USP31: variants seen among roughly 807,000 people sequenced by gnomAD.
USP31 encodes the protein ubiquitin specific peptidase 31, also known as ubiquitin carboxyl-terminal hydrolase 31.
USP31 carries 44 observed loss-of-function variants against 119.4 expected under a neutral mutation model. The ratio of observed to expected loss-of-function variants is 0.37; its 90% confidence interval spans 0.29 to 0.47. USP31 has a LOEUF of 0.47. USP31 is among the 20% of genes least tolerant of loss of function. The pLI, the probability that USP31 is intolerant of heterozygous loss-of-function variation, is 0.99. For missense variants in USP31, 1,643 were observed against 1,730.2 expected, an observed-to-expected ratio of 0.95 and a Z score of 0.89; for synonymous variants, 749 against 705.6, an observed-to-expected ratio of 1.06 and a Z score of -0.97.
At chr16:23,116,150 T>C (rs1245666377) in intron 1 of USP31, among the ~76,000 whole-genome samples, 2 of 152,210 alleles carry the variant, frequency 1.3e-5, no homozygotes, top group African/African-American at 4.8e-5. Context: ...TTGCCCACTT[T>C]CTTTGATTCT....
Position 23,148,790 on chromosome 16 carries a change from A to T in USP31, c.481T>A (p.Tyr161Asn). 1 of 1,538,554 alleles carries T rather than the reference A, an allele frequency of 6.5e-7. No individual in the cohort carries two copies. The highest frequency in any genetic ancestry group is 8.7e-7 in the Non-Finnish European group (1 of 1,147,890). Reference sequence around the variant, plus strand: ...GAGGGCTCGGGCCGCCCCGCCCGGTACTGGCCCAGCGCCAGGTACTCGGCG... The same window carrying T: ...GAGGGCTCGGGCCGCCCCGCCCGGTTCTGGCCCAGCGCCAGGTACTCGGCG... ...LFAEYLALGQ[Y>N]RAGRPEPSPD... Residue 161 changes from tyrosine (Y) to asparagine (N), a missense_variant, in exon 1 of 16, where the codon TAC becomes AAC. By Grantham distance (143) the Tyr-to-Asn change is moderately radical (BLOSUM62 -2). Transcript: ENST00000219689.
intron 1 of USP31, among the ~76,000 whole-genome samples, chr16:23,119,224 A>G (rs1373028037): frequency 6.6e-6 from 1 of 150,882 alleles, no homozygotes; most frequent in African/African-American, 2.4e-5. Context: ...TCAGCCTCCC[A>G]AGCAGCTGGG....
rs188529538 is a variant in USP31 at position 23,073,356 on chromosome 16, T to C, written c.2335+366A>G. ...ATGAGGTAGGCATTATTATTACACC[T>C]GTATTATAGATGATTGCTATGTGGC... On this transcript the variant is annotated intron_variant, in intron 14 of 15. Coordinates refer to ENST00000219689, the MANE Select transcript of USP31 (RefSeq NM_020718.4). Among the ~76,000 whole-genome samples, 21 of 152,314 alleles carry C rather than the reference T, an allele frequency of 1.4e-4. 1 individual carries two copies. The highest frequency in any genetic ancestry group is 5.1e-4 in the African/African-American group (21 of 41,582).
chr16:23,115,544 C>G (rs1188869832), intron 1 of USP31, among the ~76,000 whole-genome samples: 2 of 151,922 alleles, frequency 1.3e-5, no homozygotes, highest in Non-Finnish European at 2.9e-5. Context: ...GAACATGCAC[C>G]TTCTTAAAAT....
At chr16:23,117,213 T>C (rs574499050) in intron 1 of USP31, among the ~76,000 whole-genome samples, 4 of 152,328 alleles carry the variant, frequency 2.6e-5, no homozygotes, top group African/African-American at 9.6e-5. Context: ...AAGCATAGGA[T>C]AACTCAAGTA....
rs1274347028 is a variant in USP31 at position 23,062,283 on chromosome 16, G to A, written c.*5763C>T. ...TATTTGCCTCCACAGTTAACACAGAGTGCCAAATTCTGGGATGTGTATTAC... is the reference window on the plus strand; with the variant it reads ...TATTTGCCTCCACAGTTAACACAGAATGCCAAATTCTGGGATGTGTATTAC... On this transcript the variant is annotated 3_prime_UTR_variant, in exon 16 of 16. Coordinates refer to ENST00000219689, the MANE Select transcript of USP31 (RefSeq NM_020718.4). The A allele has an allele frequency of 2.0e-5, 3 of 152,008 alleles. No homozygotes were observed. Among genetic ancestry groups the A allele is most frequent in the African/African-American group, 7.3e-5 (3 of 41,274 alleles). The allele number at this position is 152,008 out of a possible 1,614,324, so 9.4% of individuals were successfully genotyped here. A position where few individuals can be genotyped will look rare whatever the true frequency, so the allele number is the denominator to read the frequency against.
At chr16:23,077,660 A>C (rs1343614803) in intron 13 of USP31, among the ~76,000 whole-genome samples, 2 of 152,234 alleles carry the variant, frequency 1.3e-5, no homozygotes, top group African/African-American at 2.4e-5. Flanking sequence ...GAATTAATAA[A>C]GAAAGTCCCT....
In USP31 at chr16:23,073,750, C is replaced by G. The variant is rs114970625; in HGVS notation, c.2307G>C (p.Pro769=). The G allele has an allele frequency of 8.2e-5, 132 of 1,613,076 alleles. No homozygotes were observed. The highest frequency in any genetic ancestry group is 3.8e-4 in the Middle Eastern group (2 of 5,326). Residue 769 remains proline, a synonymous_variant, in exon 14 of 16, where the codon CCG becomes CCC. Transcript: ENST00000219689. The part of the protein sequence containing the change: ...ILFYQRRTAI[P]SWSANSSVAG... The stretch of plus-strand genomic sequence containing the variant: ...CCACCGAGCTGTTGGCTGACCATGA[C>G]GGGATGGCTGTCCGCCTCTGGTAGA...
chr16:23,094,072 G>A (rs570240326), intron 6 of USP31, among the ~76,000 whole-genome samples: 66 of 152,256 alleles, frequency 4.3e-4, no homozygotes, highest in African/African-American at 1.0e-3. Context: ...TCAAGGGGTC[G>A]GGGGATTTCC....
At chr16:23,148,285 G>A (rs893167082) in intron 1 of USP31, among the ~76,000 whole-genome samples, 1 of 152,190 alleles carries the variant, frequency 6.6e-6, no homozygotes, top group Non-Finnish European at 1.5e-5. Flanking sequence ...TTGCTAGTAA[G>A]TGGCAGAACC....
At position 23,069,059 on chromosome 16, in the gene USP31, C is replaced by A. The variant is rs775646173; in HGVS notation, c.3046G>T (p.Ala1016Ser). 1 of 1,612,572 alleles carries A rather than the reference C, an allele frequency of 6.2e-7. No homozygotes were observed. The highest frequency in any genetic ancestry group is 2.2e-5 in the East Asian group (1 of 44,880). ...TTAGTTGTGCTCTCTGGTTTCTTTGCGAGTGAGCCTGGGTGGCTGGGGGCT... is the reference window on the plus strand; with the variant it reads ...TTAGTTGTGCTCTCTGGTTTCTTTGAGAGTGAGCCTGGGTGGCTGGGGGCT... ...VKAPSHPGSLAKKPESTTKRS... is the reference protein window; with the variant it reads ...VKAPSHPGSLSKKPESTTKRS... The change falls in exon 16 of 16, where the codon GCA becomes TCA. Residue 1016 changes from alanine to serine, a missense_variant. Coordinates refer to ENST00000219689, the MANE Select transcript of USP31 (RefSeq NM_020718.4).
rs1297852739 is a variant in USP31 at position 23,068,528 on chromosome 16, CG to C, written c.3576del (p.Lys1194SerfsTer22). 6 of 1,613,668 alleles carry C rather than the reference CG, an allele frequency of 3.7e-6. No homozygotes were observed. Among genetic ancestry groups the C allele is most frequent in the Non-Finnish European group, 4.2e-6 (5 of 1,179,914 alleles). On this transcript the variant is annotated frameshift_variant, in exon 16 of 16. Transcript: ENST00000219689. LOFTEE classifies it high-confidence loss of function. ...ATGGAGGAGCTCCGCACGTGCTTCC[CG>C]GCCCCCCTGCCCTCCCCTGCTCGGG... is the stretch of plus-strand genomic sequence containing the variant. The part of the protein sequence containing the change: ...SQARAGEGRG[A>X]GKHVRSSSMA...
rs750455470 is a variant in USP31, at chr16:23,068,417, TGAA to T, written c.3685_3687del (p.Phe1229del). ...GTTTCCTTCTGTCTCAAGGCTGATTTGAAGAAGGACAGCCCCTTGTCCTCAGAC... is the reference window on the plus strand; with the variant it reads ...GTTTCCTTCTGTCTCAAGGCTGATTTGAAGGACAGCCCCTTGTCCTCAGAC... On this transcript the variant is annotated inframe_deletion, in exon 16 of 16. Transcript: ENST00000219689. The T allele has an allele frequency of 1.2e-5, 19 of 1,613,730 alleles. No individual in the cohort carries two copies. Among genetic ancestry groups the T allele is most frequent in the East Asian group, 2.2e-5 (1 of 44,888 alleles).
Position 23,073,900 on chromosome 16 carries a change from A to C in USP31, c.2177-20T>G. 1.2e-6 allele frequency: 2 copies of C among 1,613,610 alleles called. No individual in the cohort carries two copies. Among genetic ancestry groups the C allele is most frequent in the Non-Finnish European group, 1.7e-6 (2 of 1,179,984 alleles). On this transcript the variant is annotated intron_variant, in intron 13 of 15. Coordinates refer to ENST00000219689, the MANE Select transcript of USP31 (RefSeq NM_020718.4). ...AGTACGCTGCCAAAGAGAGCCCGCC[A>C]TCAGCACCAGGGGAGGCTGCACCAG...
chr16:23,141,497 C>T (rs998516338), intron 1 of USP31, among the ~76,000 whole-genome samples: 23 of 152,180 alleles, frequency 1.5e-4, no homozygotes, highest in Non-Finnish European at 2.4e-4. Flanking sequence ...CCCACCTCAG[C>T]CTCCGAAGTA....
At chr16:23,077,674 A>T (rs1405514963) in intron 13 of USP31, among the ~76,000 whole-genome samples, 1 of 152,230 alleles carries the variant, frequency 6.6e-6, no homozygotes, top group East Asian at 1.9e-4. Flanking sequence ...AGTCCCTGAG[A>T]AGTATACATA....
At position 23,065,725 on chromosome 16, in the gene USP31, C is replaced by A. The variant is rs749263232; in HGVS notation, c.*2321G>T. The A allele has an allele frequency of 2.6e-5, 4 of 151,448 alleles. No homozygotes were observed. The highest frequency in any genetic ancestry group is 5.9e-5 in the Non-Finnish European group (4 of 67,906). 9.4% of individuals were successfully genotyped at this position (151,448 alleles called of 1,614,324 possible). A position where few individuals can be genotyped will look rare whatever the true frequency, so the allele number is the denominator to read the frequency against. ...TTTTTTTTTTTAAGTCACTAGACAT[C>A]GTGGAAAATCCATTCCTAGATAACT... On this transcript the variant is annotated 3_prime_UTR_variant, in exon 16 of 16. Transcript: ENST00000219689.
At chr16:23,072,242 G>C (rs768311993) in intron 14 of USP31, 45 bp from the exon 15 acceptor site, 2 of 1,570,838 alleles carry the variant, frequency 1.3e-6, no homozygotes, top group Non-Finnish European at 1.7e-6. Flanking sequence ...GGGGTCCCTC[G>C]GCCAGCCCTG....
At chr16:23,109,525 C>A (rs1217748034) in intron 1 of USP31, among the ~76,000 whole-genome samples, 8 of 152,112 alleles carry the variant, frequency 5.3e-5, no homozygotes, top group African/African-American at 1.9e-4. Flanking sequence ...TAATTTATAT[C>A]AATAATCCCC....
Sources: gnomAD v4.1 joint callset for allele counts (sites outside exome capture counted in the v4.1 genomes callset) on GRCh38, gnomAD v4.1.1 for gene constraint, MANE v1.5 for transcripts, NCBI Gene and HGNC (gene_info 2026-07-23, HGNC 2026-07-21) for gene names.